Variants in LUZP2 observed in about 807,000 individuals in gnomAD.
The protein encoded by LUZP2 is leucine zipper protein 2.
Under a neutral mutation model 51.6 loss-of-function variants are expected in LUZP2, and 52 were observed. That is an observed-to-expected ratio of 1.01 (90% CI 0.81 to 1.27). The LOEUF (loss-of-function observed/expected upper bound fraction) is 1.27. LUZP2 is among the 50% of genes most tolerant of loss of function. The probability of loss-of-function intolerance (pLI) is 0.00; values close to 1 mark genes in which losing one functional copy is unlikely to be tolerated. For missense variants in LUZP2, 436 were observed against 395.4 expected (o/e 1.10, Z -0.87); for synonymous variants, 154 against 137.3 (o/e 1.12, Z -0.85).
chr11:24,948,053 A>G (rs1478623239), intron 7 of LUZP2, among the ~76,000 whole-genome samples: 1 of 151,842 alleles, frequency 6.6e-6, no homozygotes, highest in Non-Finnish European at 1.5e-5. Context: ...TCCGTAATTC[A>G]TAAGTTAGTG....
At chr11:24,499,701 T>G (rs1323180248) in intron 1 of LUZP2, among the ~76,000 whole-genome samples, 1 of 152,198 alleles carries the variant, frequency 6.6e-6, no homozygotes, top group African/African-American at 2.4e-5. Context: ...TTGGGTAATC[T>G]CACCTGTCTT....
At chr11:24,963,208 C>T (rs1324046051) in intron 7 of LUZP2, among the ~76,000 whole-genome samples, 1 of 152,218 alleles carries the variant, frequency 6.6e-6, no homozygotes, top group African/African-American at 2.4e-5. Flanking sequence ...GCTCAGGGGT[C>T]AGGGGTCACG....
At chr11:24,940,430 G>A (rs1434933217) in intron 7 of LUZP2, among the ~76,000 whole-genome samples, 1 of 152,136 alleles carries the variant, frequency 6.6e-6, no homozygotes, top group East Asian at 1.9e-4. Flanking sequence ...TAAAAGGCAG[G>A]AAGGTGTAGC....
intron 1 of LUZP2, among the ~76,000 whole-genome samples, chr11:24,522,787 A>C (rs1364912512): frequency 6.6e-6 from 1 of 152,122 alleles, no homozygotes; most frequent in African/African-American, 2.4e-5. Flanking sequence ...TGATACTCAG[A>C]ATGACTATGA....
intron 4 of LUZP2, among the ~76,000 whole-genome samples, chr11:24,762,370 A>AT (rs1394071381): frequency 2.0e-5 from 3 of 152,232 alleles, no homozygotes; most frequent in African/African-American, 7.2e-5. Flanking sequence ...ATCTAAAGGC[A>AT]TATAACACAA....
At chr11:24,680,237 G>C (rs1856688912) in intron 1 of LUZP2, among the ~76,000 whole-genome samples, 1 of 152,210 alleles carries the variant, frequency 6.6e-6, no homozygotes, top group Admixed American at 6.5e-5. Context: ...GGCAGAAAAG[G>C]AGCAAGGCTC....
chr11:24,711,307 G>A (rs993885000), intron 1 of LUZP2, among the ~76,000 whole-genome samples: 2 of 152,020 alleles, frequency 1.3e-5, no homozygotes, highest in Non-Finnish European at 2.9e-5. Context: ...AAAATTAGCC[G>A]GGTGTGGCGG....
At chr11:24,814,162 G>T (rs1850103608) in intron 5 of LUZP2, among the ~76,000 whole-genome samples, 1 of 152,132 alleles carries the variant, frequency 6.6e-6, no homozygotes, top group Non-Finnish European at 1.5e-5. Context: ...ATCTTCAGGC[G>T]AATTAATAAC....
At chr11:24,551,546 C>G (rs1268824638) in intron 1 of LUZP2, among the ~76,000 whole-genome samples, 1 of 151,734 alleles carries the variant, frequency 6.6e-6, no homozygotes, top group African/African-American at 2.4e-5. Context: ...TCTGATTATG[C>G]TAAATAATAC....
chr11:24,869,234 TAGAC>T (rs1428712397), intron 5 of LUZP2, among the ~76,000 whole-genome samples: 1 of 152,068 alleles, frequency 6.6e-6, no homozygotes, highest in East Asian at 1.9e-4. Context: ...ACAAATAAAT[TAGAC>T]AGAGTATTTG....
chr11:24,724,649 G>A (rs973083173), intron 1 of LUZP2, among the ~76,000 whole-genome samples: 5 of 152,084 alleles, frequency 3.3e-5, no homozygotes, highest in African/African-American at 1.2e-4. Context: ...TCCTCTATTC[G>A]ACATTGTTTT....
At chr11:24,865,664 C>T (rs892522977) in intron 5 of LUZP2, among the ~76,000 whole-genome samples, 3 of 151,592 alleles carry the variant, frequency 2.0e-5, no homozygotes, top group Non-Finnish European at 4.4e-5. Flanking sequence ...AATGTCTTCA[C>T]CAAATACATT....
intron 10 of LUZP2, among the ~76,000 whole-genome samples, chr11:25,068,216 A>T (rs1236199957): frequency 1.3e-5 from 2 of 151,978 alleles, no homozygotes; most frequent in African/African-American, 4.8e-5. Context: ...CTTAATGTAG[A>T]TGACGACTTT....
In LUZP2 at chr11:24,502,299, G is replaced by C. The variant is rs994949320; in HGVS notation, c.62+4994G>C. Among the ~76,000 whole-genome samples, 4 of 151,054 alleles carry C rather than the reference G, an allele frequency of 2.6e-5. No homozygotes were observed. The South Asian group carries it at 8.3e-4, about 31-fold the overall frequency. On this transcript the variant is annotated intron_variant, in intron 1 of 11. Coordinates refer to ENST00000336930, the MANE Select transcript of LUZP2 (RefSeq NM_001009909.4). Reference sequence around the variant, plus strand: ...AGCATAGTCATCATCCAAAAGAAAAGAATGATTGGTAGAGAAGAGAGGAAG... The same window carrying C: ...AGCATAGTCATCATCCAAAAGAAAACAATGATTGGTAGAGAAGAGAGGAAG...
intron 5 of LUZP2, among the ~76,000 whole-genome samples, chr11:24,895,498 C>T (rs1486616945): frequency 6.6e-6 from 1 of 152,062 alleles, no homozygotes; most frequent in Admixed American, 6.6e-5. Context: ...AGTCTTTAAA[C>T]CCTTGCCTGC....
At chr11:24,759,463 G>A (rs957242531) in intron 4 of LUZP2, among the ~76,000 whole-genome samples, 1 of 151,882 alleles carries the variant, frequency 6.6e-6, no homozygotes, top group Non-Finnish European at 1.5e-5. Context: ...TTTAAGTATT[G>A]CATTCTCAAG....
At chr11:24,722,560 A>C (rs1272347209) in intron 1 of LUZP2, among the ~76,000 whole-genome samples, 2 of 152,144 alleles carry the variant, frequency 1.3e-5, no homozygotes, top group Non-Finnish European at 2.9e-5. Flanking sequence ...GGGAGGGGAC[A>C]CAGCCAAACC....
At chr11:24,781,207 T>C (rs1849080201) in intron 5 of LUZP2, among the ~76,000 whole-genome samples, 1 of 152,142 alleles carries the variant, frequency 6.6e-6, no homozygotes, top group African/African-American at 2.4e-5. Context: ...GCAGGTTTGT[T>C]ACATAGGTAT....
intron 1 of LUZP2, among the ~76,000 whole-genome samples, chr11:24,621,653 CTATAT>C (rs1854499325): frequency 6.6e-6 from 1 of 152,072 alleles, no homozygotes. Flanking sequence ...TTTTCTGTAT[CTATAT>C]TATATTTTTC....
Sources: gnomAD v4.1 joint callset for allele counts (sites outside exome capture counted in the v4.1 genomes callset) on GRCh38, gnomAD v4.1.1 for gene constraint, MANE v1.5 for transcripts, NCBI Gene and HGNC (gene_info 2026-07-23, HGNC 2026-07-21) for gene names.